ERBB4: variants seen among roughly 807,000 people sequenced by gnomAD.
The protein encoded by ERBB4 is receptor tyrosine-protein kinase erbB-4.
Under a neutral mutation model 158.0 loss-of-function variants are expected in ERBB4, and 42 were observed. The observed-to-expected ratio is 0.27, with a 90% CI of 0.21 to 0.34. The LOEUF is 0.34. Among genes scored for constraint, ERBB4 ranks in the 10% least tolerant of loss-of-function variants. The probability of loss-of-function intolerance (pLI) is 1.00; values close to 1 mark genes in which losing one functional copy is unlikely to be tolerated. For synonymous variants in ERBB4, 583 were observed against 558.7 expected, an observed-to-expected ratio of 1.04 and a Z score of -0.61; for missense variants, 1,333 against 1,624.1, an observed-to-expected ratio of 0.82 and a Z score of 3.08.
intron 2 of ERBB4, among the ~76,000 whole-genome samples, chr2:211,982,667 G>T (rs1204299593): frequency 6.6e-6 from 1 of 152,166 alleles, no homozygotes; most frequent in Non-Finnish European, 1.5e-5. Flanking sequence ...GAGCCTTCAG[G>T]TTATCCGATT....
chr2:211,998,763 T>C (rs915930515), intron 2 of ERBB4, among the ~76,000 whole-genome samples: 1 of 151,842 alleles, frequency 6.6e-6, no homozygotes, highest in Admixed American at 6.6e-5. Flanking sequence ...TGAAAAAATT[T>C]CACAACCATG....
At chr2:212,063,853 A>G (rs1378499384) in intron 2 of ERBB4, among the ~76,000 whole-genome samples, 1 of 152,162 alleles carries the variant, frequency 6.6e-6, no homozygotes, top group Admixed American at 6.6e-5. Context: ...TATTTGCCAG[A>G]TGATCCCTTG....
At position 211,635,508 on chromosome 2, in the gene ERBB4, C is replaced by T. The variant is rs180687141; in HGVS notation, c.1947-4914G>A. 5.1e-3 allele frequency among the ~76,000 whole-genome samples: 782 copies of T among 152,102 alleles called. 5 individuals carry two copies. Among genetic ancestry groups the T allele is most frequent in the African/African-American group, 0.017 (688 of 41,510 alleles). On this transcript the variant is annotated intron_variant, in intron 16 of 27. Transcript: ENST00000342788. ...TTTGGACCATGCTATTTCTCTCATG[C>T]AGAATATAAAATGTGAGAGGACACA... is the stretch of plus-strand genomic sequence containing the variant.
chr2:211,836,016 A>G (rs543795123), intron 3 of ERBB4, among the ~76,000 whole-genome samples: 1 of 152,220 alleles, frequency 6.6e-6, no homozygotes, highest in Non-Finnish European at 1.5e-5. Context: ...GTTTATTGCT[A>G]CTTAAAAGGC....
intron 2 of ERBB4, among the ~76,000 whole-genome samples, chr2:211,983,713 G>A (rs1004524120): frequency 6.6e-5 from 10 of 152,242 alleles, no homozygotes; most frequent in East Asian, 3.9e-4. Context: ...AATTAAACTT[G>A]TAAACCCAAG....
intron 20 of ERBB4, among the ~76,000 whole-genome samples, chr2:211,498,635 A>T (rs1355257247): frequency 6.6e-6 from 1 of 152,134 alleles, no homozygotes; most frequent in Non-Finnish European, 1.5e-5. Flanking sequence ...CATAGTAAAA[A>T]TTCCAAATTC....
chr2:212,369,545 T>A (rs190324262), intron 1 of ERBB4, among the ~76,000 whole-genome samples: 1 of 152,212 alleles, frequency 6.6e-6, no homozygotes, highest in Admixed American at 6.6e-5. Context: ...TCTTTTTTAA[T>A]TTTAAATTTT....
intron 3 of ERBB4, among the ~76,000 whole-genome samples, chr2:211,887,942 T>G (rs1182553877): frequency 6.6e-6 from 1 of 152,208 alleles, no homozygotes; most frequent in East Asian, 1.9e-4. Context: ...TTGTTTCCTC[T>G]CCATTCCCAG....
chr2:211,563,701 C>T (rs746283303), intron 19 of ERBB4, among the ~76,000 whole-genome samples: 1 of 152,030 alleles, frequency 6.6e-6, no homozygotes, highest in Non-Finnish European at 1.5e-5. Flanking sequence ...TTAGAAGATC[C>T]TGAAGTCTTT....
At chr2:211,482,820 G>GCTTGAA (rs1487768680) in intron 20 of ERBB4, among the ~76,000 whole-genome samples, 1 of 152,024 alleles carries the variant, frequency 6.6e-6, no homozygotes, top group Non-Finnish European at 1.5e-5. Flanking sequence ...CAGGAGAATC[G>GCTTGAA]CTTGAACCTG....
intron 16 of ERBB4, among the ~76,000 whole-genome samples, chr2:211,651,766 G>A (rs1422470403): frequency 6.6e-6 from 1 of 152,122 alleles, no homozygotes; most frequent in Non-Finnish European, 1.5e-5. Context: ...AATAACTTGG[G>A]AGCCTCAGTT....
At chr2:212,245,550 C>G (rs1332211597) in intron 1 of ERBB4, among the ~76,000 whole-genome samples, 1 of 152,002 alleles carries the variant, frequency 6.6e-6, no homozygotes, top group Non-Finnish European at 1.5e-5. Flanking sequence ...ATCTTCTTGC[C>G]AACACTGGGA....
At chr2:211,448,511 G>A (rs1265216603) in intron 20 of ERBB4, among the ~76,000 whole-genome samples, 1 of 151,300 alleles carries the variant, frequency 6.6e-6, no homozygotes, top group African/African-American at 2.4e-5. Flanking sequence ...CAGAGATAAT[G>A]CAATACAGAT....
At chr2:212,466,087 T>G (rs1366917244) in intron 1 of ERBB4, among the ~76,000 whole-genome samples, 1 of 152,240 alleles carries the variant, frequency 6.6e-6, no homozygotes, top group Non-Finnish European at 1.5e-5. Context: ...TAAATCAATG[T>G]GTTTTACACC....
chr2:211,842,840 G>C (rs1056170030), intron 3 of ERBB4, among the ~76,000 whole-genome samples: 2 of 152,048 alleles, frequency 1.3e-5, no homozygotes, highest in Non-Finnish European at 2.9e-5. Flanking sequence ...CATTCCAAAT[G>C]ACTATAACAG....
intron 16 of ERBB4, 145 bp from the exon 17 acceptor site, chr2:211,630,739 G>A: frequency 1.3e-6 from 1 of 785,882 alleles, no homozygotes; most frequent in South Asian, 1.7e-5. Flanking sequence ...AGTGCATTAG[G>A]TTTTGCTCTA....
chr2:212,192,040 ATATATATGT>A (rs1335339579), intron 1 of ERBB4, among the ~76,000 whole-genome samples: 2 of 10,822 alleles, frequency 1.8e-4, no homozygotes, highest in East Asian at 5.5e-3. Flanking sequence ...GTTATATGTT[ATATATATGT>A]TATATGTTAT....
At chr2:211,807,484 T>C (rs2076647236) in intron 3 of ERBB4, among the ~76,000 whole-genome samples, 1 of 152,246 alleles carries the variant, frequency 6.6e-6, no homozygotes, top group Non-Finnish European at 1.5e-5. Context: ...CATCCCCTTT[T>C]ATGGCTGCAC....
chr2:212,060,238 T>G (rs1289276868), intron 2 of ERBB4, among the ~76,000 whole-genome samples: 2 of 151,906 alleles, frequency 1.3e-5, no homozygotes, highest in African/African-American at 4.8e-5. Context: ...ATCAGAGAAA[T>G]GCAAATCAAA....
Sources: allele counts gnomAD v4.1 joint callset (sites outside exome capture counted in the v4.1 genomes callset), GRCh38; gene constraint gnomAD v4.1.1; transcripts MANE v1.5; gene names NCBI Gene and HGNC (gene_info 2026-07-23, HGNC 2026-07-21).